Variants in DNAH10 observed in about 807,000 individuals in gnomAD.
DNAH10 encodes axonemal beta dynein heavy chain 10.
Under a neutral mutation model 506.6 loss-of-function variants are expected in DNAH10, and 348 were observed. That is an observed-to-expected ratio of 0.69 (90% CI 0.63 to 0.75). The LOEUF is 0.75. Among genes scored for constraint, DNAH10 ranks in the 30% least tolerant of loss-of-function variants. The pLI is 0.00. For missense variants in DNAH10, 5,179 were observed against 5,787.1 expected, an observed-to-expected ratio of 0.89 and a Z score of 3.41; for synonymous variants, 2,059 against 2,198.6, an observed-to-expected ratio of 0.94 and a Z score of 1.78.
intron 39 of DNAH10, 107 bp from the exon 40 acceptor site, chr12:123,864,488 A>C: frequency 6.9e-7 from 1 of 1,456,580 alleles, no homozygotes; most frequent in Non-Finnish European, 9.2e-7. Flanking sequence ...GATACTGGGT[A>C]GAAAACCCTG....
intron 47 of DNAH10, among the ~76,000 whole-genome samples, chr12:123,876,736 C>T (rs768928113): frequency 3.1e-4 from 47 of 152,232 alleles, no homozygotes; most frequent in South Asian, 2.1e-4. Context: ...CTGAGGAGAG[C>T]GGATCACTCG....
In DNAH10 at chr12:123,763,869, CT is replaced by C. The variant is rs59694804; in HGVS notation, c.214+1333del. ...TTAGCCATCTGGCACCTGGCCACTTCTTTTTTTTTTTTTTGAGACAGAGTCT... is the reference window on the plus strand; with the variant it reads ...TTAGCCATCTGGCACCTGGCCACTTCTTTTTTTTTTTTTGAGACAGAGTCT... On this transcript the variant is annotated intron_variant, in intron 1 of 78. Coordinates refer to ENST00000673944, the MANE Select transcript of DNAH10 (RefSeq NM_001372106.1). Among the ~76,000 whole-genome samples, 597 of 121,074 alleles carry C rather than the reference CT, an allele frequency of 4.9e-3. 1 individual carries two copies. The highest frequency in any genetic ancestry group is 6.1e-3 in the Non-Finnish European group (337 of 55,690). The allele number at this position is 121,074 out of a possible 152,430, so 79.4% of individuals were successfully genotyped here.
At chr12:123,848,123 T>A in intron 33 of DNAH10, 28 bp downstream of exon 33, 1 of 1,599,462 alleles carries the variant, frequency 6.3e-7, no homozygotes, top group Non-Finnish European at 8.5e-7. Context: ...CCTTTGGTAC[T>A]GGCTCATTAG....
chr12:123,812,060 A>C (rs1274633936), intron 19 of DNAH10, among the ~76,000 whole-genome samples: 1 of 152,244 alleles, frequency 6.6e-6, no homozygotes, highest in Non-Finnish European at 1.5e-5. Flanking sequence ...ACCAACCTAT[A>C]GTAGTTGTTA....
rs547348040 is a variant in DNAH10 at position 123,900,642 on chromosome 12, A to G, written c.9640+1828A>G. ...AGGAACTCTGTTTCCAGGGTTGCAA[A>G]TGGTAGAAACTGAGCTCAAAGTGGC... On this transcript the variant is annotated intron_variant, in intron 56 of 78. Coordinates refer to ENST00000673944, the MANE Select transcript of DNAH10 (RefSeq NM_001372106.1). Among the ~76,000 whole-genome samples the G allele has an allele frequency of 2.6e-5, 4 of 152,242 alleles. No individual in the cohort carries two copies. The East Asian group carries it at 7.7e-4, about 29-fold the overall frequency.
intron 30 of DNAH10, among the ~76,000 whole-genome samples, chr12:123,842,123 C>T (rs538390107): frequency 8.5e-5 from 13 of 152,340 alleles, no homozygotes; most frequent in African/African-American, 2.6e-4. Flanking sequence ...ATTCTTGGGT[C>T]TTACCCTGCA....
chr12:123,789,870 T>C, intron 10 of DNAH10, 57 bp from the exon 11 acceptor site: 1 of 1,499,708 alleles, frequency 6.7e-7, no homozygotes, highest in Non-Finnish European at 9.2e-7. Context: ...TTTGTAGTTC[T>C]AATATTCACA....
intron 16 of DNAH10, among the ~76,000 whole-genome samples, chr12:123,802,598 G>A (rs762813502): frequency 9.9e-5 from 15 of 152,090 alleles, no homozygotes; most frequent in Non-Finnish European, 1.9e-4. Context: ...GAGCCACCAC[G>A]TGTGGCCTTT....
Position 123,813,819 on chromosome 12 carries a change from A to G in DNAH10, c.3687A>G (p.Thr1229=). 1 of 1,613,418 alleles carries G rather than the reference A, an allele frequency of 6.2e-7. No individual in the cohort carries two copies. The highest frequency in any genetic ancestry group is 1.6e-4 in the Middle Eastern group (1 of 6,062). ...AAGATCTCAAGTTTGTCCTTGCAAC[A>G]ATTGCAGAAATTAGAAGTAAATCTC... ...TLEDLKFVLA[T]IAEIRSKSLV... Residue 1229 remains threonine, a synonymous_variant, in exon 21 of 79, where the codon ACA becomes ACG. Coordinates refer to ENST00000673944, the MANE Select transcript of DNAH10 (RefSeq NM_001372106.1).
intron 6 of DNAH10, among the ~76,000 whole-genome samples, chr12:123,781,871 G>A (rs1218346867): frequency 2.0e-5 from 3 of 150,540 alleles, no homozygotes; most frequent in Non-Finnish European, 3.0e-5. Context: ...CCCCCTTTAC[G>A]TAAGCTTTTA....
At chr12:123,918,500 C>T (rs955531830) in intron 64 of DNAH10, among the ~76,000 whole-genome samples, 176 bp from the exon 65 acceptor site, 1 of 152,248 alleles carries the variant, frequency 6.6e-6, no homozygotes, top group African/African-American at 2.4e-5. Flanking sequence ...GGGGCGTCAG[C>T]CACAAATATT....
At chr12:123,786,594 T>TG (rs1957861533) in intron 9 of DNAH10, among the ~76,000 whole-genome samples, 1 of 125,794 alleles carries the variant, frequency 7.9e-6, no homozygotes, top group East Asian at 2.8e-4. Context: ...CATCGTAGTA[T>TG]GGATCAGTGC....
intron 21 of DNAH10, among the ~76,000 whole-genome samples, chr12:123,815,825 A>G (rs1041040173): frequency 2.0e-5 from 3 of 152,230 alleles, no homozygotes; most frequent in African/African-American, 7.2e-5. Flanking sequence ...GGTAGAACCT[A>G]TTGCTCCTAG....
chr12:123,854,563 G>A (rs1282489341), intron 36 of DNAH10, among the ~76,000 whole-genome samples: 1 of 152,086 alleles, frequency 6.6e-6, no homozygotes, highest in Non-Finnish European at 1.5e-5. Context: ...TGCAAATACC[G>A]AATATCCAAG....
chr12:123,832,384 C>G (rs552081082), intron 26 of DNAH10, among the ~76,000 whole-genome samples: 1 of 152,150 alleles, frequency 6.6e-6, no homozygotes, highest in Admixed American at 6.5e-5. Flanking sequence ...CCAATATACA[C>G]AGGTACACAT....
At chr12:123,879,218 C>G in intron 48 of DNAH10, 46 bp from the exon 49 acceptor site, 5 of 1,516,536 alleles carry the variant, frequency 3.3e-6, no homozygotes, top group Non-Finnish European at 4.5e-6. Context: ...GCCCTGGTAT[C>G]CTTCAGGTGA....
intron 52 of DNAH10, among the ~76,000 whole-genome samples, chr12:123,889,462 T>C (rs1382154318): frequency 6.6e-6 from 1 of 152,182 alleles, no homozygotes; most frequent in Non-Finnish European, 1.5e-5. Flanking sequence ...TGGTAGGGAA[T>C]AAGATGGTCA....
At chr12:123,820,928 C>A (rs1310309537) in intron 24 of DNAH10, among the ~76,000 whole-genome samples, 170 bp downstream of exon 24, 1 of 152,144 alleles carries the variant, frequency 6.6e-6, no homozygotes, top group Admixed American at 6.5e-5. Context: ...CTTATGGGTA[C>A]AGGGTTTCCA....
rs772195311 is a variant in DNAH10, at chr12:123,784,088, C to T, written c.1141C>T (p.Leu381=). The T allele has an allele frequency of 3.7e-6, 6 of 1,614,246 alleles. No individual in the cohort carries two copies. In the South Asian group the frequency reaches 6.6e-5, roughly 18 times the overall value. The change falls in exon 8 of 79, where the codon CTG becomes TTG. Residue 381 remains leucine, a synonymous_variant. Transcript: ENST00000673944. ...KESDSMLVAN[L]QPVFTELFKF... is the part of the protein sequence containing the mutation. ...ATCCGACTCCATGCTTGTGGCTAAT[C>T]TGCAGCCAGTGTTCACCGAGTTATT...
Sources: gnomAD v4.1 joint callset for allele counts (sites outside exome capture counted in the v4.1 genomes callset) on GRCh38, gnomAD v4.1.1 for gene constraint, MANE v1.5 for transcripts, NCBI Gene and HGNC (gene_info 2026-07-23, HGNC 2026-07-21) for gene names.